MINDY4B: variants seen among roughly 807,000 people sequenced by gnomAD.
The protein encoded by MINDY4B is MINDY family member 4B, also known as inactive ubiquitin carboxyl-terminal hydrolase MINDY-4B.
Under a neutral mutation model 16.7 loss-of-function variants are expected in MINDY4B, and 25 were observed. The ratio of observed to expected loss-of-function variants is 1.49; its 90% CI spans 1.09 to 2.09. The LOEUF is 2.09. Ranked by LOEUF, MINDY4B falls within the 30% of genes most tolerant of loss-of-function variation. The pLI is 0.00. For synonymous variants in MINDY4B, 132 were observed against 61.9 expected, an observed-to-expected ratio of 2.13 and a Z score of -5.32; for missense variants, 327 against 168.4, an observed-to-expected ratio of 1.94 and a Z score of -5.21.
At chr3:150,873,448 A>AAAGC (rs1181490705) in intron 10 of MINDY4B, 81 bp from the exon 11 acceptor site, 2 of 647,772 alleles carry the variant, frequency 3.1e-6, no homozygotes, top group Admixed American at 4.6e-5. Flanking sequence ...TCGCGACCAA[A>AAAGC]AAGCAGCTCT....
chr3:150,879,118 C>T (rs1290049844), intron 10 of MINDY4B, among the ~76,000 whole-genome samples: 1 of 152,186 alleles, frequency 6.6e-6, no homozygotes, highest in Non-Finnish European at 1.5e-5. Context: ...GAACCGAAAG[C>T]TGTCAACCTT....
intron 11 of MINDY4B, among the ~76,000 whole-genome samples, chr3:150,872,413 A>G (rs1452928743): frequency 6.6e-6 from 1 of 152,244 alleles, no homozygotes; most frequent in Non-Finnish European, 1.5e-5. Flanking sequence ...CAGACACAGT[A>G]ATGCTCCATA....
intron 10 of MINDY4B, among the ~76,000 whole-genome samples, chr3:150,882,406 T>A (rs932696630): frequency 4.6e-5 from 7 of 151,766 alleles, no homozygotes; most frequent in Non-Finnish European, 1.0e-4. Flanking sequence ...TTTCCAGTGG[T>A]TTTTTTTAAG....
chr3:150,875,912 C>A (rs1453133159), intron 10 of MINDY4B, among the ~76,000 whole-genome samples: 1 of 152,084 alleles, frequency 6.6e-6, no homozygotes, highest in East Asian at 1.9e-4. Context: ...GATTACATCC[C>A]CCTTTCTTCT....
intron 10 of MINDY4B, among the ~76,000 whole-genome samples, chr3:150,879,062 GA>G (rs1437993847): frequency 1.3e-5 from 2 of 152,250 alleles, no homozygotes; most frequent in African/African-American, 4.8e-5. Flanking sequence ...TTTAACTTAA[GA>G]TAAAGCCTGC....
At chr3:150,883,809 G>C (rs1384408095) in intron 8 of MINDY4B, 37 bp from the exon 9 acceptor site, 6 of 701,798 alleles carry the variant, frequency 8.5e-6, no homozygotes, top group Non-Finnish European at 1.6e-5. Context: ...TCCAGTCAGA[G>C]ACAGTGCACC....
intron 3 of MINDY4B, among the ~76,000 whole-genome samples, chr3:150,897,915 G>C (rs1203802453): frequency 6.6e-6 from 1 of 152,218 alleles, no homozygotes; most frequent in African/African-American, 2.4e-5. Context: ...AAAACTAATG[G>C]AAAATGTTTC....
At chr3:150,874,344 C>A (rs1399174124) in intron 10 of MINDY4B, among the ~76,000 whole-genome samples, 1 of 152,098 alleles carries the variant, frequency 6.6e-6, no homozygotes, top group Non-Finnish European at 1.5e-5. Context: ...TTTGCAAAAA[C>A]CAGCACTGGG....
At chr3:150,883,410 T>G (rs927886990) in intron 9 of MINDY4B, among the ~76,000 whole-genome samples, 4 of 152,076 alleles carry the variant, frequency 2.6e-5, no homozygotes, top group Non-Finnish European at 4.4e-5. Context: ...CTGGTGGGTC[T>G]TGTCAAGATA....
At chr3:150,891,135 T>C (rs943574477) in intron 5 of MINDY4B, 32 bp from the exon 6 acceptor site, 3 of 686,760 alleles carry the variant, frequency 4.4e-6, no homozygotes, top group African/African-American at 1.8e-5. Flanking sequence ...TAGGAAACCA[T>C]TGGAATGAAC....
Position 150,905,071 on chromosome 3 carries a change from T to G in MINDY4B, c.132A>C (p.Ser44=). The part of the protein sequence containing the change: ...FSYHRLGTNN[S]TPQNHEGNHT... ...TGGGAAAAGTAATTACCTGAGGAGT[T>G]GAATTATTGGTTCCCAACCTTTAAA... Residue 44 remains serine (S), a synonymous_variant, in exon 2 of 12, where the codon TCA becomes TCC. Transcript: ENST00000465419. 2.5e-6 allele frequency: 1 copy of G among 398,548 alleles called. No individual in the cohort carries two copies. The highest frequency in any genetic ancestry group is 4.4e-6 in the Non-Finnish European group (1 of 226,000). The allele number at this position is 398,548 out of a possible 1,614,324, so 24.7% of individuals were successfully genotyped here.
intron 3 of MINDY4B, among the ~76,000 whole-genome samples, chr3:150,903,025 T>TA (rs1364030745): frequency 6.6e-6 from 1 of 152,174 alleles, no homozygotes; most frequent in Non-Finnish European, 1.5e-5. Context: ...AAGAAGTGAA[T>TA]AAAGAGAGAC....
intron 3 of MINDY4B, among the ~76,000 whole-genome samples, chr3:150,898,653 A>G (rs544935615): frequency 2.6e-5 from 4 of 152,388 alleles, no homozygotes; most frequent in African/African-American, 7.2e-5. Flanking sequence ...ATTATTATTA[A>G]CATAATCAAG....
intron 10 of MINDY4B, among the ~76,000 whole-genome samples, chr3:150,878,704 G>A (rs1485516129): frequency 6.6e-6 from 1 of 152,212 alleles, no homozygotes; most frequent in African/African-American, 2.4e-5. Flanking sequence ...TTTGTGAGCA[G>A]GCATTTGGGT....
chr3:150,870,714 A>C lies in MINDY4B; in HGVS notation c.*331T>G, dbSNP rs1055506331. On this transcript the variant is annotated 3_prime_UTR_variant, in exon 12 of 12. Transcript: ENST00000465419. Reference sequence around the variant, plus strand: ...CAGCCTGCTTCCGTAATCCTCATGGAGAGTTATACCAAGAAAAGACAACTT... The same window carrying C: ...CAGCCTGCTTCCGTAATCCTCATGGCGAGTTATACCAAGAAAAGACAACTT... 1.3e-5 allele frequency among the ~76,000 whole-genome samples: 2 copies of C among 152,208 alleles called. No homozygotes were observed. Among genetic ancestry groups the C allele is most frequent in the Non-Finnish European group, 2.9e-5 (2 of 68,040 alleles).
intron 10 of MINDY4B, 131 bp from the exon 11 acceptor site, chr3:150,873,498 C>T: frequency 5.3e-6 from 3 of 561,110 alleles, no homozygotes; most frequent in Non-Finnish European, 9.5e-6. Flanking sequence ...GGGCACTGTA[C>T]ATAGAGCAAG....
intron 7 of MINDY4B, among the ~76,000 whole-genome samples, chr3:150,886,988 TATG>T (rs1487415231): frequency 3.3e-5 from 5 of 152,382 alleles, no homozygotes; most frequent in Admixed American, 1.3e-4. Context: ...ATCCTGTATA[TATG>T]ATGTTTCTTC....
chr3:150,881,152 G>A (rs183368479), intron 10 of MINDY4B, among the ~76,000 whole-genome samples: 26 of 152,330 alleles, frequency 1.7e-4, no homozygotes, highest in Non-Finnish European at 3.7e-4. Context: ...GGAGGCTGAG[G>A]TGGGTGGATA....
At chr3:150,898,320 G>C (rs377575250) in intron 3 of MINDY4B, among the ~76,000 whole-genome samples, 1 of 152,308 alleles carries the variant, frequency 6.6e-6, no homozygotes, top group South Asian at 2.1e-4. Flanking sequence ...GACTAAGAAG[G>C]CTTAGAATTT....
Sources: gnomAD v4.1 joint callset for allele counts (sites outside exome capture counted in the v4.1 genomes callset) on GRCh38, gnomAD v4.1.1 for gene constraint, MANE v1.5 for transcripts, NCBI Gene and HGNC (gene_info 2026-07-23, HGNC 2026-07-21) for gene names.